PARN: variants seen among roughly 807,000 people sequenced by gnomAD.
PARN encodes poly(A)-specific ribonuclease PARN.
In PARN, 71 loss-of-function variants were observed where a neutral mutation model predicts 102.8. That is an observed-to-expected ratio of 0.69 (90% CI 0.57 to 0.84). The LOEUF is 0.84. Ranked by LOEUF, PARN falls within the 40% of genes least tolerant of loss-of-function variation. The pLI is 0.00. For synonymous variants in PARN, 261 were observed against 252.9 expected, an observed-to-expected ratio of 1.03 and a Z score of -0.30; for missense variants, 782 against 760.9, an observed-to-expected ratio of 1.03 and a Z score of -0.33.
In PARN at chr16:14,604,184, G is replaced by C; in HGVS notation, c.745C>G (p.Arg249Gly). 1 of 1,601,318 alleles carries C rather than the reference G, an allele frequency of 6.2e-7. No individual in the cohort carries two copies. Among genetic ancestry groups the C allele is most frequent in the Non-Finnish European group, 8.5e-7 (1 of 1,172,308 alleles). The change falls in exon 11 of 24, where the codon CGC (arginine) becomes GGC (glycine). Residue 249 changes from arginine (R) to glycine (G), a missense_variant. Coordinates refer to ENST00000437198, the MANE Select transcript of PARN (RefSeq NM_002582.4). ...TGTTTCTGCTGCTCTCTTCTTTTGCGTTCTTCTTCATCTACTTTGCTGATA... is the reference window on the plus strand; with the variant it reads ...TGTTTCTGCTGCTCTCTTCTTTTGCCTTCTTCTTCATCTACTTTGCTGATA... ...IVISKVDEEE[R>G]KRREQQKHAK...
chr16:14,590,449 A>G (rs904493703), intron 13 of PARN, among the ~76,000 whole-genome samples: 1 of 151,828 alleles, frequency 6.6e-6, no homozygotes, highest in Non-Finnish European at 1.5e-5. Flanking sequence ...AGCCAGGCCA[A>G]CATGGTGAAA....
chr16:14,446,785 G>C, intron 23 of PARN, 103 bp downstream of exon 23: 2 of 743,960 alleles, frequency 2.7e-6, no homozygotes, highest in Non-Finnish European at 4.4e-6. Flanking sequence ...CATGGGCTTT[G>C]CCACCAAGTG....
At chr16:14,537,545 A>G (rs1966661999) in intron 21 of PARN, among the ~76,000 whole-genome samples, 1 of 152,244 alleles carries the variant, frequency 6.6e-6, no homozygotes, top group Non-Finnish European at 1.5e-5. Context: ...ATGTTCATCA[A>G]AAGATGAGTG....
At chr16:14,620,160 A>C (rs1322114816) in intron 5 of PARN, among the ~76,000 whole-genome samples, 3 of 150,778 alleles carry the variant, frequency 2.0e-5, no homozygotes, top group African/African-American at 7.3e-5. Flanking sequence ...GGCAGATTAC[A>C]AGGTCAGGAG....
At chr16:14,546,557 G>GT (rs1482365917) in intron 21 of PARN, among the ~76,000 whole-genome samples, 3 of 152,166 alleles carry the variant, frequency 2.0e-5, no homozygotes, top group African/African-American at 7.2e-5. Context: ...TACTGTGTGT[G>GT]TTCCAATCTC....
At chr16:14,555,762 C>A in intron 18 of PARN, 53 bp from the exon 19 acceptor site, 1 of 891,168 alleles carries the variant, frequency 1.1e-6, no homozygotes. Context: ...AAAAGACAGG[C>A]ATTTTGCATT....
intron 6 of PARN, among the ~76,000 whole-genome samples, chr16:14,616,544 G>A (rs1971916160): frequency 6.6e-6 from 1 of 152,306 alleles, no homozygotes; most frequent in East Asian, 1.9e-4. Flanking sequence ...ACAGGAGTTT[G>A]GGACCAGCCT....
chr16:14,444,758 G>A (rs994446405), intron 23 of PARN, among the ~76,000 whole-genome samples: 16 of 152,268 alleles, frequency 1.1e-4, no homozygotes, highest in Admixed American at 6.5e-4. Context: ...CATGACAGTG[G>A]TAATAAAGGT....
At chr16:14,489,858 C>T (rs1963962684) in intron 21 of PARN, among the ~76,000 whole-genome samples, 1 of 152,208 alleles carries the variant, frequency 6.6e-6, no homozygotes, top group South Asian at 2.1e-4. Context: ...TGCCTATATT[C>T]GTATTAACCC....
chr16:14,626,492 G>A (rs919895320), intron 5 of PARN, among the ~76,000 whole-genome samples: 5 of 152,044 alleles, frequency 3.3e-5, no homozygotes, highest in African/African-American at 1.2e-4. Context: ...CAACTTGGGG[G>A]TAAAATAATA....
intron 23 of PARN, among the ~76,000 whole-genome samples, chr16:14,440,879 G>A (rs1376393178): frequency 2.6e-5 from 4 of 152,124 alleles, no homozygotes; most frequent in Non-Finnish European, 4.4e-5. Context: ...AACTCCAAAC[G>A]GGCATGAGGG....
At chr16:14,576,218 A>G (rs1380920284) in intron 18 of PARN, 1 of 152,282 alleles carries the variant, frequency 6.6e-6, no homozygotes, top group African/African-American at 2.4e-5. Flanking sequence ...TCTCATCGGT[A>G]GCTCAGAAAG....
At chr16:14,585,967 T>C (rs1969826131) in intron 14 of PARN, among the ~76,000 whole-genome samples, 7 of 151,508 alleles carry the variant, frequency 4.6e-5, no homozygotes, top group Non-Finnish European at 8.8e-5. Context: ...GTATTGTGTA[T>C]GTCACAATGA....
chr16:14,486,577 T>C (rs1163432377), intron 21 of PARN, among the ~76,000 whole-genome samples: 3 of 152,352 alleles, frequency 2.0e-5, no homozygotes, highest in East Asian at 3.9e-4. Flanking sequence ...CGAGGGGATT[T>C]ATCTGAGCAC....
chr16:14,484,008 G>A (rs1281630379), intron 21 of PARN, among the ~76,000 whole-genome samples: 1 of 152,066 alleles, frequency 6.6e-6, no homozygotes, highest in African/African-American at 2.4e-5. Context: ...CCTTCCCCTG[G>A]AGTCCCAAAG....
chr16:14,503,727 T>C (rs1290171027), intron 21 of PARN, among the ~76,000 whole-genome samples: 1 of 152,198 alleles, frequency 6.6e-6, no homozygotes, highest in East Asian at 1.9e-4. Flanking sequence ...TTCCTGAGAT[T>C]ATATCACAGG....
chr16:14,452,295 C>G (rs955327547), intron 22 of PARN, among the ~76,000 whole-genome samples: 2 of 152,206 alleles, frequency 1.3e-5, no homozygotes, highest in East Asian at 3.8e-4. Context: ...GCCAGATGTG[C>G]TTCTGCAGGG....
At chr16:14,453,804 T>C (rs1413710632) in intron 22 of PARN, among the ~76,000 whole-genome samples, 1 of 152,236 alleles carries the variant, frequency 6.6e-6, no homozygotes, top group Non-Finnish European at 1.5e-5. Context: ...CACAATTTAT[T>C]CATTTACCAG....
At chr16:14,626,991 G>T in intron 5 of PARN, 115 bp downstream of exon 5, 1 of 668,986 alleles carries the variant, frequency 1.5e-6, no homozygotes, top group Non-Finnish European at 2.7e-6. Context: ...GAAGGTCAAA[G>T]GTGAAATGAT....
Sources: allele counts gnomAD v4.1 joint callset (sites outside exome capture counted in the v4.1 genomes callset), GRCh38; gene constraint gnomAD v4.1.1; transcripts MANE v1.5; gene names NCBI Gene and HGNC (gene_info 2026-07-23, HGNC 2026-07-21).